The following RESP18 variants were observed in gnomAD, a reference collection of about 807,000 sequenced individuals.
RESP18 encodes the protein regulated endocrine specific protein 18.
Under a neutral mutation model 30.0 loss-of-function variants are expected in RESP18, and 30 were observed. That is an observed-to-expected ratio of 1.00 (90% CI 0.75 to 1.36). The LOEUF is 1.36. RESP18 is among the 40% of genes most tolerant of loss of function. The pLI is 0.00. For missense variants in RESP18, 320 were observed against 284.2 expected (o/e 1.13, Z -0.91); for synonymous variants, 117 against 111.2 (o/e 1.05, Z -0.33).
intron 2 of RESP18, among the ~76,000 whole-genome samples, chr2:219,332,033 C>G (rs181282680): frequency 6.6e-6 from 1 of 152,144 alleles, no homozygotes; most frequent in Non-Finnish European, 1.5e-5. Flanking sequence ...GCGGGGTCTA[C>G]GCGGATTGGT....
intron 4 of RESP18, 62 bp downstream of exon 3, chr2:219,329,575 C>T: frequency 1.3e-6 from 2 of 1,546,474 alleles, no homozygotes; most frequent in Admixed American, 2.0e-5. Flanking sequence ...AGCACACATT[C>T]CTTCCCTGTT....
chr2:219,332,077 C>T (rs1362054309), intron 2 of RESP18, among the ~76,000 whole-genome samples: 5 of 152,172 alleles, frequency 3.3e-5, no homozygotes, highest in African/African-American at 9.7e-5. Context: ...TCCCATTCCC[C>T]CTCCATCCTG....
In RESP18 at chr2:219,329,660, G is replaced by A. The variant is rs1952809104; in HGVS notation, c.442C>T (p.Leu148Phe). ...ACCTCAGTGGTTTTAGTGGGGAAAA[G>A]TGCCTTCCCATCCTTCAGGCATGGT... Residue 148 changes from leucine to phenylalanine, a missense_variant, in exon 4 of 7, where the codon CTT becomes TTT. Transcript: ENST00000333527. The A allele has an allele frequency of 6.4e-7, 1 of 1,551,470 alleles. No homozygotes were observed. Among genetic ancestry groups the A allele is most frequent in the African/African-American group, 1.4e-5 (1 of 73,026 alleles).
intron 3 of RESP18, 95 bp from the exon 3 acceptor site, chr2:219,329,859 T>C (rs1046055393): frequency 6.5e-6 from 8 of 1,223,904 alleles, no homozygotes; most frequent in Middle Eastern, 2.2e-4. Flanking sequence ...ATATATTAGA[T>C]TACATTTTAC....
At chr2:219,330,006 TAA>T (rs1258493329) in intron 3 of RESP18, among the ~76,000 whole-genome samples, 3 of 152,352 alleles carry the variant, frequency 2.0e-5, no homozygotes, top group Non-Finnish European at 4.4e-5. Flanking sequence ...GTTAGGAATA[TAA>T]AGAGTGCTTA....
At chr2:219,331,587 A>T (rs985194006) in intron 2 of RESP18, among the ~76,000 whole-genome samples, 2 of 152,192 alleles carry the variant, frequency 1.3e-5, no homozygotes, top group African/African-American at 4.8e-5. Flanking sequence ...TTTGGGGATG[A>T]GAAAGCCTCC....
intron 2 of RESP18, chr2:219,331,184 A>G (rs1481105526): frequency 9.3e-6 from 2 of 215,520 alleles, no homozygotes; most frequent in Non-Finnish European, 1.7e-5. Context: ...AATAGTAATC[A>G]GGTGGGTAGG....
chr2:219,329,663 C>T lies in RESP18; in HGVS notation c.439G>A (p.Ala147Thr), dbSNP rs1398745697. 6.4e-7 allele frequency: 1 copy of T among 1,551,560 alleles called. No homozygotes were observed. Among genetic ancestry groups the T allele is most frequent in the Admixed American group, 2.0e-5 (1 of 50,986 alleles). ...TCAGTGGTTTTAGTGGGGAAAAGTG[C>T]CTTCCCATCCTTCAGGCATGGTTCT... The change falls in exon 4 of 7, where the codon GCA becomes ACA. Residue 147 changes from alanine (A) to threonine (T), a missense_variant. Transcript: ENST00000333527.
At chr2:219,331,734 A>G (rs1952833338) in intron 2 of RESP18, among the ~76,000 whole-genome samples, 1 of 152,076 alleles carries the variant, frequency 6.6e-6, no homozygotes, top group Non-Finnish European at 1.5e-5. Context: ...GTGGACCCGG[A>G]GCGCGCCTGG....
rs576995806 is a variant in RESP18 at position 219,330,137 on chromosome 2, G to A, written c.338-373C>T. Among the ~76,000 whole-genome samples, 5 of 152,328 alleles carry A rather than the reference G, an allele frequency of 3.3e-5. No individual in the cohort carries two copies. In the South Asian group the frequency reaches 1.0e-3, roughly 32 times the overall value. On this transcript the variant is annotated intron_variant, in intron 3 of 6. Coordinates refer to ENST00000333527, the MANE Select transcript of RESP18 (RefSeq NM_001007089.4). ...AGGGCTTCTGATGCAGTAGGTCTGT[G>A]GTGAAGTTCAAAAATTCCCATTTCT...
intron 1 of RESP18, 122 bp from the exon 1 acceptor site, chr2:219,332,866 G>T: frequency 1.3e-6 from 1 of 799,552 alleles, no homozygotes; most frequent in Non-Finnish European, 1.9e-6. Flanking sequence ...GCTCCTTTCG[G>T]GCATTAGCTG....
In RESP18 at chr2:219,332,621, G is replaced by A. The variant is rs1438210407; in HGVS notation, c.135C>T (p.His45=). 5.2e-6 allele frequency: 8 copies of A among 1,551,318 alleles called. 1 individual carries two copies. The Admixed American group carries it at 5.9e-5, about 11-fold the overall frequency. ...CCTCGGAGCTCCCAGGCCACAGTGG[G>A]TGCTGTATCCTCCCAGGCTCGGCGC... Residue 45 remains histidine (H), a synonymous_variant, in exon 2 of 7, where the codon CAC becomes CAT. Transcript: ENST00000333527.
chr2:219,327,473 A>G lies in RESP18; in HGVS notation c.*44T>C, dbSNP rs1300510924. On this transcript the variant is annotated 3_prime_UTR_variant, in exon 7 of 7. Transcript: ENST00000333527. ...CCAAGAACTGCTCCTCTGAAGGGCA[A>G]TGGGAAGGGTGCTGGGGCAGGGAGG... 19 of 1,530,972 alleles carry G rather than the reference A, an allele frequency of 1.2e-5. No homozygotes were observed. The highest frequency in any genetic ancestry group is 1.4e-5 in the Non-Finnish European group (16 of 1,128,494). 94.8% of individuals were successfully genotyped at this position (1,530,972 alleles called of 1,614,324 possible).
At chr2:219,329,509 C>G (rs1952807626) in intron 4 of RESP18, 128 bp downstream of exon 3, 1 of 1,518,490 alleles carries the variant, frequency 6.6e-7, no homozygotes, top group South Asian at 1.2e-5. Flanking sequence ...TCTGCTGATT[C>G]CAAACAGGAC....
Position 219,327,422 on chromosome 2 carries a change from A to G in RESP18, c.*95T>C. 1 of 1,135,778 alleles carries G rather than the reference A, an allele frequency of 8.8e-7. No individual in the cohort carries two copies. The highest frequency in any genetic ancestry group is 1.3e-6 in the Non-Finnish European group (1 of 769,742). 70.4% of individuals were successfully genotyped at this position (1,135,778 alleles called of 1,614,324 possible). On this transcript the variant is annotated 3_prime_UTR_variant, in exon 7 of 7. Coordinates refer to ENST00000333527, the MANE Select transcript of RESP18 (RefSeq NM_001007089.4). ...AAACTCAGTGTTTGCATGAGAGTCT[A>G]CTTTAATGATTCAAATCTGGGTCAT...
Position 219,329,450 on chromosome 2 carries a change from C to A in RESP18, c.465+187G>T. ...CAAATTGGACCTAGGCTTGCCACAC[C>A]CACCTCCCCTCCCTTTGCAGATATC... On this transcript the variant is annotated intron_variant, in intron 4 of 6. Coordinates refer to ENST00000333527, the MANE Select transcript of RESP18 (RefSeq NM_001007089.4). 3.2e-6 allele frequency: 5 copies of A among 1,550,896 alleles called. No individual in the cohort carries two copies. In the South Asian group the frequency reaches 6.0e-5, roughly 18 times the overall value.
At position 219,329,732 on chromosome 2, in the gene RESP18, C is replaced by A. The variant is rs1380680244; in HGVS notation, c.370G>T (p.Ala124Ser). 4.5e-6 allele frequency: 7 copies of A among 1,551,644 alleles called. No individual in the cohort carries two copies. The South Asian group carries it at 8.3e-5, about 18-fold the overall frequency. Reference sequence around the variant, plus strand: ...GCATGCTCCATCTTTTGGATCATTGCATCCTGGGTGATGTCATCCTTCCAG... The same window carrying A: ...GCATGCTCCATCTTTTGGATCATTGAATCCTGGGTGATGTCATCCTTCCAG... Residue 124 changes from alanine (A) to serine (S), a missense_variant, in exon 4 of 7, where the codon GCA (alanine) becomes TCA (serine). Transcript: ENST00000333527.
Position 219,328,921 on chromosome 2 carries a change from T to TA in RESP18, c.640+2dup, listed in dbSNP as rs1239041835. 52 of 1,543,886 alleles carry TA rather than the reference T, an allele frequency of 3.4e-5. No homozygotes were observed. Among genetic ancestry groups the TA allele is most frequent in the African/African-American group, 6.9e-5 (5 of 72,808 alleles). ...CAATGCCTATTTTAAACTCAATACTTACGCATGATCTTATAGATAATTTCT... is the reference window on the plus strand; with the variant it reads ...CAATGCCTATTTTAAACTCAATACTTAACGCATGATCTTATAGATAATTTCT... On this transcript the variant is annotated splice_region_variant and intron_variant, in intron 6 of 6. Coordinates refer to ENST00000333527, the MANE Select transcript of RESP18 (RefSeq NM_001007089.4).
In RESP18 at chr2:219,329,232, G is replaced by A. The variant is rs761710200; in HGVS notation, c.486C>T (p.Asn162=). 39 of 1,551,556 alleles carry A rather than the reference G, an allele frequency of 2.5e-5. No homozygotes were observed. The highest frequency in any genetic ancestry group is 3.1e-5 in the Non-Finnish European group (35 of 1,146,982). ...CTTCGGAGGTAAAGCACTGATCCCT[G>A]TTCACCTTGGCCAGGGGGCTCTGTG... The change falls in exon 5 of 7, where the codon AAC becomes AAT. Residue 162 remains asparagine, a synonymous_variant. Transcript: ENST00000333527.
Sources: gnomAD v4.1 joint callset for allele counts (sites outside exome capture counted in the v4.1 genomes callset) on GRCh38, gnomAD v4.1.1 for gene constraint, MANE v1.5 for transcripts, NCBI Gene and HGNC (gene_info 2026-07-23, HGNC 2026-07-21) for gene names.